The following TTC29 variants were observed in gnomAD, a reference collection of about 807,000 sequenced individuals.
The protein encoded by TTC29 is tetratricopeptide repeat domain 29, also known as tetratricopeptide repeat protein 29.
Under a neutral mutation model 58.1 loss-of-function variants are expected in TTC29, and 49 were observed. The observed-to-expected ratio is 0.84, with a 90% CI of 0.67 to 1.07. The LOEUF (loss-of-function observed/expected upper bound fraction) is 1.07. Ranked by LOEUF, TTC29 falls within the 50% of genes least tolerant of loss-of-function variation. The pLI is 0.00. For missense variants in TTC29, 582 were observed against 555.6 expected (o/e 1.05, Z -0.48); for synonymous variants, 209 against 196.8 (o/e 1.06, Z -0.52).
chr4:146,785,573 C>A (rs1213137284), intron 11 of TTC29, among the ~76,000 whole-genome samples: 2 of 152,136 alleles, frequency 1.3e-5, no homozygotes, highest in African/African-American at 4.8e-5. Flanking sequence ...CTTAATGACA[C>A]CTATTTGAAG....
chr4:146,878,197 T>C (rs1001807068), intron 6 of TTC29, among the ~76,000 whole-genome samples: 3 of 152,192 alleles, frequency 2.0e-5, no homozygotes, highest in Admixed American at 6.5e-5. Flanking sequence ...GAAATAACAG[T>C]AGCTTTTCGG....
intron 10 of TTC29, among the ~76,000 whole-genome samples, chr4:146,806,338 A>C (rs1179619692): frequency 1.3e-5 from 2 of 152,232 alleles, no homozygotes; most frequent in Non-Finnish European, 2.9e-5. Context: ...TGGGCAAAAT[A>C]ACCAGCTAGC....
intron 6 of TTC29, among the ~76,000 whole-genome samples, chr4:146,879,381 T>G (rs1378425016): frequency 6.6e-6 from 1 of 151,816 alleles, no homozygotes; most frequent in Non-Finnish European, 1.5e-5. Context: ...ATTTTTAAAA[T>G]CATCTTATTT....
chr4:146,758,074 C>A (rs1244707467), intron 11 of TTC29, among the ~76,000 whole-genome samples: 1 of 152,044 alleles, frequency 6.6e-6, no homozygotes. Context: ...ACTCACAAAC[C>A]AACTATTTGC....
intron 5 of TTC29, among the ~76,000 whole-genome samples, chr4:146,907,654 T>C (rs1055443102): frequency 2.0e-5 from 3 of 152,138 alleles, no homozygotes; most frequent in Admixed American, 2.0e-4. Flanking sequence ...TCCGCCATCA[T>C]GCCCGGCTAA....
chr4:146,707,110 G>A lies in TTC29; in HGVS notation c.*48C>T, dbSNP rs1742007361. On this transcript the variant is annotated 3_prime_UTR_variant, in exon 13 of 13. Transcript: ENST00000325106. ...CCTATTACAAGTATTGAAGTCTAAG[G>A]TGACATGATGGATTTCTTCTTGCTT... 1.3e-5 allele frequency: 18 copies of A among 1,434,440 alleles called. No homozygotes were observed. Among genetic ancestry groups the A allele is most frequent in the Non-Finnish European group, 1.6e-5 (17 of 1,063,278 alleles). 88.9% of individuals were successfully genotyped at this position (1,434,440 alleles called of 1,614,324 possible). A position where few individuals can be genotyped will look rare whatever the true frequency, so the allele number is the denominator to read the frequency against.
intron 11 of TTC29, among the ~76,000 whole-genome samples, chr4:146,758,212 T>C (rs888501754): frequency 1.3e-5 from 2 of 152,152 alleles, no homozygotes; most frequent in East Asian, 3.9e-4. Flanking sequence ...CAAAACATAC[T>C]TTAAAGCAAC....
intron 6 of TTC29, among the ~76,000 whole-genome samples, chr4:146,885,897 A>G (rs1731951133): frequency 6.6e-6 from 1 of 152,086 alleles, no homozygotes; most frequent in Non-Finnish European, 1.5e-5. Context: ...ATGGTTCTTT[A>G]TAATCATTCA....
At chr4:146,750,303 G>A (rs757246936) in intron 11 of TTC29, among the ~76,000 whole-genome samples, 25 of 152,196 alleles carry the variant, frequency 1.6e-4, no homozygotes, top group East Asian at 9.7e-4. Context: ...CACTGCGCCC[G>A]GCCCTATACC....
At chr4:146,739,035 A>G (rs1472866350) in intron 11 of TTC29, among the ~76,000 whole-genome samples, 1 of 152,186 alleles carries the variant, frequency 6.6e-6, no homozygotes, top group Non-Finnish European at 1.5e-5. Flanking sequence ...TTTTGGCAAA[A>G]TATTTTTGTT....
chr4:146,762,204 T>C (rs916052301), intron 11 of TTC29, among the ~76,000 whole-genome samples: 5 of 151,984 alleles, frequency 3.3e-5, no homozygotes, highest in South Asian at 2.1e-4. Context: ...ACTAATACAG[T>C]GGATTCATTT....
intron 10 of TTC29, among the ~76,000 whole-genome samples, chr4:146,818,946 T>A (rs192669253): frequency 6.7e-6 from 1 of 149,694 alleles, no homozygotes; most frequent in African/African-American, 2.5e-5. Flanking sequence ...GGGTGGGGGA[T>A]GGGGGAGGGA....
intron 11 of TTC29, among the ~76,000 whole-genome samples, chr4:146,719,573 C>T (rs569285705): frequency 6.6e-6 from 1 of 152,158 alleles, no homozygotes; most frequent in East Asian, 1.9e-4. Context: ...AGAATTACTG[C>T]AGCAAACCTA....
intron 11 of TTC29, among the ~76,000 whole-genome samples, chr4:146,792,937 A>C (rs962543825): frequency 3.3e-5 from 5 of 152,186 alleles, no homozygotes; most frequent in Non-Finnish European, 7.3e-5. Context: ...AATTCACTGC[A>C]GTTGTGGTGG....
chr4:146,763,975 G>A (rs756855577), intron 11 of TTC29: 14 of 151,826 alleles, frequency 9.2e-5, no homozygotes, highest in Non-Finnish European at 1.3e-4. Flanking sequence ...CAGAGGGGGG[G>A]ACAATGACTG....
At chr4:146,909,388 C>G (rs887446246) in intron 4 of TTC29, 139 bp from the exon 5 acceptor site, 1 of 682,618 alleles carries the variant, frequency 1.5e-6, no homozygotes, top group Admixed American at 2.8e-5. Flanking sequence ...ATCAAAAGAT[C>G]TTTGCCTCAA....
At chr4:146,755,142 TA>T (rs528831879) in intron 11 of TTC29, among the ~76,000 whole-genome samples, 163 of 151,988 alleles carry the variant, frequency 1.1e-3, no homozygotes, top group African/African-American at 3.5e-3. Flanking sequence ...AATAATAGCA[TA>T]AAAAAACATA....
intron 4 of TTC29, among the ~76,000 whole-genome samples, chr4:146,924,865 A>G (rs1289575233): frequency 1.3e-5 from 2 of 151,944 alleles, no homozygotes; most frequent in Non-Finnish European, 2.9e-5. Context: ...ATTTCCTTTT[A>G]AGCACTGCTT....
intron 4 of TTC29, among the ~76,000 whole-genome samples, chr4:146,920,697 CCTT>C (rs1443009620): frequency 6.6e-6 from 1 of 151,002 alleles, no homozygotes; most frequent in Non-Finnish European, 1.5e-5. Context: ...CTCTTGAGCC[CCTT>C]TTTTGATAAA....
Sources: allele counts gnomAD v4.1 joint callset (sites outside exome capture counted in the v4.1 genomes callset), GRCh38; gene constraint gnomAD v4.1.1; transcripts MANE v1.5; gene names NCBI Gene and HGNC (gene_info 2026-07-23, HGNC 2026-07-21).